Variants in PATJ observed in about 807,000 individuals in gnomAD.
PATJ encodes PATJ crumbs cell polarity complex component.
In PATJ, 190 loss-of-function variants were observed where a neutral mutation model predicts 224.9. That is an observed-to-expected ratio of 0.84 (90% CI 0.75 to 0.95). The LOEUF is 0.95. Among genes scored for constraint, PATJ ranks in the 40% least tolerant of loss-of-function variants. The pLI is 0.00. For missense variants in PATJ, 2,121 were observed against 2,270.3 expected (o/e 0.93, Z 1.34); for synonymous variants, 769 against 820.3 (o/e 0.94, Z 1.07).
intron 12 of PATJ, among the ~76,000 whole-genome samples, chr1:61,804,916 T>G (rs1041032124): frequency 1.3e-5 from 2 of 152,212 alleles, no homozygotes; most frequent in African/African-American, 4.8e-5. Flanking sequence ...TTGACTGAAT[T>G]AAACCAGACA....
chr1:62,139,152 G>A (rs1667234493), intron 41 of PATJ, among the ~76,000 whole-genome samples: 1 of 152,046 alleles, frequency 6.6e-6, no homozygotes, highest in South Asian at 2.1e-4. Flanking sequence ...TGTAATCCCA[G>A]CACTTTGAGA....
At position 62,155,092 on chromosome 1, in the gene PATJ, A is replaced by T. The variant is rs192048664; in HGVS notation, c.5502+1611A>T. Among the ~76,000 whole-genome samples the T allele has an allele frequency of 4.6e-5, 7 of 152,262 alleles. 1 individual carries two copies. The East Asian group carries it at 1.4e-3, about 29-fold the overall frequency. On this transcript the variant is annotated intron_variant, in intron 43 of 43. Coordinates refer to ENST00000642238, the MANE Select transcript of PATJ (RefSeq NM_001350145.3). The stretch of plus-strand genomic sequence containing the variant: ...AGTTCTTGGGATAATTATTCTTTGG[A>T]GGGCATTATTATACTTTGCTTTTGA...
intron 26 of PATJ, among the ~76,000 whole-genome samples, chr1:61,917,054 G>A (rs981652028): frequency 3.3e-5 from 5 of 152,166 alleles, no homozygotes; most frequent in Non-Finnish European, 5.9e-5. Context: ...GTTAGGAATC[G>A]TGTGGCTTCT....
At chr1:61,889,392 G>C (rs1669281684) in intron 22 of PATJ, among the ~76,000 whole-genome samples, 1 of 152,170 alleles carries the variant, frequency 6.6e-6, no homozygotes, top group African/African-American at 2.4e-5. Flanking sequence ...GTATAATTCT[G>C]TGGAAGGAAT....
intron 8 of PATJ, among the ~76,000 whole-genome samples, chr1:61,790,720 G>A (rs1649669791): frequency 6.6e-6 from 1 of 151,880 alleles, no homozygotes; most frequent in Non-Finnish European, 1.5e-5. Flanking sequence ...CATCATGCTG[G>A]CCAGGCTGGT....
chr1:61,776,943 T>A (rs1485340790), intron 7 of PATJ, among the ~76,000 whole-genome samples: 2 of 152,136 alleles, frequency 1.3e-5, no homozygotes, highest in Non-Finnish European at 2.9e-5. Flanking sequence ...GCTATGATGG[T>A]CTCGATCTCC....
intron 10 of PATJ, among the ~76,000 whole-genome samples, chr1:61,796,223 ATACT>A (rs955119279): frequency 6.6e-6 from 1 of 152,228 alleles, no homozygotes; most frequent in Non-Finnish European, 1.5e-5. Flanking sequence ...GAAAGTTGAA[ATACT>A]TACAGCTAGC....
At chr1:62,102,536 G>C (rs1391334667) in intron 33 of PATJ, among the ~76,000 whole-genome samples, 3 of 152,018 alleles carry the variant, frequency 2.0e-5, no homozygotes, top group Non-Finnish European at 2.9e-5. Flanking sequence ...AAAGCTGAAG[G>C]TAAGGAAGGA....
At chr1:62,130,743 G>C (rs1345798150) in intron 41 of PATJ, among the ~76,000 whole-genome samples, 1 of 151,698 alleles carries the variant, frequency 6.6e-6, no homozygotes, top group Non-Finnish European at 1.5e-5. Flanking sequence ...CCCAGCTACT[G>C]GGGAGGCTGA....
chr1:61,831,081 G>A (rs985238111), intron 16 of PATJ, among the ~76,000 whole-genome samples: 4 of 151,672 alleles, frequency 2.6e-5, no homozygotes, highest in Admixed American at 6.6e-5. Context: ...CAGCTACTTG[G>A]GGGGGCTGAG....
chr1:62,003,626 G>C (rs987348502), intron 28 of PATJ, among the ~76,000 whole-genome samples: 11 of 152,194 alleles, frequency 7.2e-5, no homozygotes, highest in Non-Finnish European at 1.6e-4. Flanking sequence ...GTGGCTGCTT[G>C]TTGTACACTA....
rs1478683866 is a variant in PATJ, at chr1:62,073,749, G to C, written c.4126-5701G>C. ...GCATACCTGTAGTCCCAGCTACTCAGGTAGCTGAGGCAGAAGGCTTGCTTG... is the reference window on the plus strand; with the variant it reads ...GCATACCTGTAGTCCCAGCTACTCACGTAGCTGAGGCAGAAGGCTTGCTTG... On this transcript the variant is annotated intron_variant, in intron 31 of 43. Transcript: ENST00000642238. Among the ~76,000 whole-genome samples, 5 of 152,190 alleles carry C rather than the reference G, an allele frequency of 3.3e-5. No individual in the cohort carries two copies. The East Asian group carries it at 9.6e-4, about 29-fold the overall frequency.
At chr1:61,752,021 C>A (rs1037819741) in intron 1 of PATJ, among the ~76,000 whole-genome samples, 1 of 150,884 alleles carries the variant, frequency 6.6e-6, no homozygotes, top group Non-Finnish European at 1.5e-5. Flanking sequence ...ACCTGTAATC[C>A]CAGCTACTCA....
rs572603151 is a variant in PATJ, at chr1:61,765,902, T to C, written c.190-377T>C. 2.0e-5 allele frequency among the ~76,000 whole-genome samples: 3 copies of C among 152,332 alleles called. No individual in the cohort carries two copies. In the South Asian group the frequency reaches 6.2e-4, roughly 32 times the overall value. The stretch of plus-strand genomic sequence containing the variant: ...ACAGTTATTATCATTATATACTACC[T>C]GTGGATCTTTTGTTGCTCCCCACGT... On this transcript the variant is annotated intron_variant, in intron 3 of 43. Transcript: ENST00000642238.
intron 20 of PATJ, among the ~76,000 whole-genome samples, chr1:61,871,124 A>G (rs74707085): frequency 0.1 from 10,547 of 102,568 alleles, 486 homozygotes; most frequent in South Asian, 0.21. Flanking sequence ...GAATAATTCT[A>G]TGTTCTTATT....
chr1:62,157,216 C>A (rs1269423547), intron 43 of PATJ, among the ~76,000 whole-genome samples: 3 of 149,600 alleles, frequency 2.0e-5, no homozygotes, highest in Non-Finnish European at 4.5e-5. Context: ...CCAAGCTACT[C>A]GGGAGGCTGA....
chr1:62,032,576 A>T (rs1414094217), intron 29 of PATJ, among the ~76,000 whole-genome samples: 3 of 152,230 alleles, frequency 2.0e-5, no homozygotes, highest in African/African-American at 4.8e-5. Context: ...AACACAAGTT[A>T]TATGATTTTT....
chr1:61,831,829 G>A (rs975718734), intron 16 of PATJ, among the ~76,000 whole-genome samples: 6 of 152,304 alleles, frequency 3.9e-5, no homozygotes, highest in South Asian at 4.1e-4. Context: ...CCATTACTGC[G>A]TATATACCCA....
chr1:61,956,949 C>T (rs755096533), intron 27 of PATJ, among the ~76,000 whole-genome samples: 1 of 152,168 alleles, frequency 6.6e-6, no homozygotes. Context: ...ATTCTTCAGT[C>T]CCCCTTGAGT....
Sources: gnomAD v4.1 joint callset for allele counts (sites outside exome capture counted in the v4.1 genomes callset) on GRCh38, gnomAD v4.1.1 for gene constraint, MANE v1.5 for transcripts, NCBI Gene and HGNC (gene_info 2026-07-23, HGNC 2026-07-21) for gene names.